Variants in MYLIP observed in about 807,000 individuals in gnomAD.
MYLIP encodes myosin regulatory light chain interacting protein, also known as E3 ubiquitin-protein ligase MYLIP.
MYLIP carries 26 observed loss-of-function variants against 45.8 expected under a neutral mutation model. That is an observed-to-expected ratio of 0.57 (90% CI 0.42 to 0.79). The LOEUF (loss-of-function observed/expected upper bound fraction) is 0.79, where lower values mean the gene tolerates loss of function less well. Ranked by LOEUF, MYLIP falls within the 30% of genes least tolerant of loss-of-function variation. MYLIP has a pLI of 0.00. For synonymous variants in MYLIP, 213 were observed against 218.1 expected, an observed-to-expected ratio of 0.98 and a Z score of 0.21; for missense variants, 494 against 555.6, an observed-to-expected ratio of 0.89 and a Z score of 1.11.
chr6:16,150,011 G>A (rs1243943033), downstream of MYLIP, among the ~76,000 whole-genome samples: 1 of 152,198 alleles, frequency 6.6e-6, no homozygotes, highest in Non-Finnish European at 1.5e-5. Flanking sequence ...AGAGGATGAT[G>A]AAGATAAAGA....
intron 3 of MYLIP, 24 bp downstream of exon 3, chr6:16,141,834 G>T: frequency 1.9e-6 from 3 of 1,577,208 alleles, no homozygotes; most frequent in Non-Finnish European, 2.6e-6. Context: ...ATATAGTATT[G>T]TTTACAACTA....
At chr6:16,161,638 C>A in the MYLIP span, among the ~76,000 whole-genome samples, 3 of 152,142 alleles carry the variant, frequency 2.0e-5, no homozygotes, top group Admixed American at 6.5e-5. Flanking sequence ...CTAAACTAGT[C>A]GAAAATGCTA....
At chr6:16,154,238 C>CA in the MYLIP span, among the ~76,000 whole-genome samples, 2 of 152,122 alleles carry the variant, frequency 1.3e-5, no homozygotes, top group African/African-American at 4.8e-5. Flanking sequence ...CGAATAGTTG[C>CA]GACTACAGGA....
chr6:16,145,158 C>T lies in MYLIP; in HGVS notation c.1089C>T (p.Cys363=), dbSNP rs148561418. ...SSESSMNCSS[C]EGLSCQQTRV... ...AAAGCAGCATGAACTGCAGCAGCTG[C>T]GAGGGCCTCAGCTGCCAGCAGACCC... Residue 363 remains cysteine, a synonymous_variant, in exon 6 of 7, where the codon TGC becomes TGT. Transcript: ENST00000356840. 291 of 1,614,202 alleles carry T rather than the reference C, an allele frequency of 1.8e-4. 2 individuals are homozygous for T. Among genetic ancestry groups the T allele is most frequent in the South Asian group, 1.2e-3 (108 of 91,082 alleles).
intron 2 of MYLIP, among the ~76,000 whole-genome samples, chr6:16,134,167 A>C (rs914060084): frequency 1.5e-4 from 23 of 152,220 alleles, no homozygotes; most frequent in Non-Finnish European, 3.4e-4. Context: ...TCACTCTAAT[A>C]ACCTAAACTC....
chr6:16,153,251 G>T, the MYLIP span, among the ~76,000 whole-genome samples: 537 of 152,264 alleles, frequency 3.5e-3, 7 homozygotes, highest in African/African-American at 0.012. Context: ...TTAAAAGCTC[G>T]TCTCCACATT....
the MYLIP span, chr6:16,161,417 TTACA>T: frequency 2.1e-3 from 370 of 179,070 alleles, no homozygotes; most frequent in Middle Eastern, 3.0e-3. Flanking sequence ...GACCAAGTAC[TTACA>T]TACATCACCT....
chr6:16,156,847 G>A, the MYLIP span, among the ~76,000 whole-genome samples: 2 of 152,278 alleles, frequency 1.3e-5, no homozygotes, highest in African/African-American at 4.8e-5. Flanking sequence ...CCAGCTACAA[G>A]GGCCAGTATC....
chr6:16,141,728 T>TTTGGAGAC lies in MYLIP; in HGVS notation c.384_391dup (p.Tyr131LeufsTer26). 5 of 1,614,066 alleles carry TTTGGAGAC rather than the reference T, an allele frequency of 3.1e-6. No individual in the cohort carries two copies. Among genetic ancestry groups the TTTGGAGAC allele is most frequent in the Non-Finnish European group, 3.4e-6 (4 of 1,179,990 alleles). Reference sequence around the variant, plus strand: ...CAGTGCCCTCCTGGCCCAGACCAAGTTTGGAGACTACAACCAGAACACTGC... The same window carrying TTTGGAGAC: ...CAGTGCCCTCCTGGCCCAGACCAAGTTTGGAGACTTGGAGACTACAACCAGAACACTGC... On this transcript the variant is annotated frameshift_variant, in exon 3 of 7. Transcript: ENST00000356840. LOFTEE classifies it high-confidence loss of function.
At chr6:16,160,398 CAGCCTCAT>C in the MYLIP span, among the ~76,000 whole-genome samples, 123 of 152,280 alleles carry the variant, frequency 8.1e-4, no homozygotes, top group Middle Eastern at 3.4e-3. Context: ...TGAACCTTCC[CAGCCTCAT>C]AGGGATACAT....
At chr6:16,152,846 G>A (rs1759893762), downstream of MYLIP, among the ~76,000 whole-genome samples, 1 of 152,170 alleles carries the variant, frequency 6.6e-6, no homozygotes, top group East Asian at 1.9e-4. Context: ...GAAGGAGCCA[G>A]TTCAAAAATG....
chr6:16,151,419 G>T (rs1020353768), downstream of MYLIP, among the ~76,000 whole-genome samples: 4 of 152,188 alleles, frequency 2.6e-5, no homozygotes, highest in Admixed American at 2.0e-4. Flanking sequence ...TTGCATGTGC[G>T]CCTGAAGGAG....
Position 16,135,322 on chromosome 6 carries a change from A to G in MYLIP, c.278+4575A>G, listed in dbSNP as rs182552866. 2.6e-5 allele frequency among the ~76,000 whole-genome samples: 4 copies of G among 152,308 alleles called. No homozygotes were observed. The East Asian group carries it at 7.7e-4, about 29-fold the overall frequency. On this transcript the variant is annotated intron_variant, in intron 2 of 6. Transcript: ENST00000356840. Reference sequence around the variant, plus strand: ...TGTGAGTGAATAAGCACATTTTTTTAGAAGTGCAGATTTTCTGCTTTCAAT... The same window carrying G: ...TGTGAGTGAATAAGCACATTTTTTTGGAAGTGCAGATTTTCTGCTTTCAAT...
the MYLIP span, among the ~76,000 whole-genome samples, chr6:16,155,279 T>C: frequency 6.6e-6 from 1 of 152,058 alleles, no homozygotes; most frequent in Non-Finnish European, 1.5e-5. Flanking sequence ...TTCTGAGAAA[T>C]GGATATTTCA....
chr6:16,131,614 T>C (rs931870490), intron 2 of MYLIP, among the ~76,000 whole-genome samples: 1 of 152,262 alleles, frequency 6.6e-6, no homozygotes. Flanking sequence ...TAGCAAGCTT[T>C]GGATCTAAGT....
the MYLIP span, among the ~76,000 whole-genome samples, chr6:16,159,944 C>A: frequency 6.6e-6 from 1 of 152,194 alleles, no homozygotes; most frequent in African/African-American, 2.4e-5. Context: ...CAGCAGGCCA[C>A]AGCTCCAGAG....
chr6:16,149,443 C>T (rs1183104924), downstream of MYLIP, among the ~76,000 whole-genome samples: 1 of 152,222 alleles, frequency 6.6e-6, no homozygotes, highest in Non-Finnish European at 1.5e-5. Flanking sequence ...CATAAAAGAT[C>T]TGAGCAGATC....
At chr6:16,134,848 T>G (rs1181454867) in intron 2 of MYLIP, among the ~76,000 whole-genome samples, 1 of 152,238 alleles carries the variant, frequency 6.6e-6, no homozygotes, top group African/African-American at 2.4e-5. Flanking sequence ...TATGTGTTTA[T>G]TTCAGCCAAG....
At position 16,130,709 on chromosome 6, in the gene MYLIP, C is replaced by T; in HGVS notation, c.240C>T (p.Phe80=). Residue 80 remains phenylalanine, a synonymous_variant, in exon 2 of 7, where the codon TTC becomes TTT. Transcript: ENST00000356840. ...ACAGGCTTAAACTTAGAGTCAAGTT[C>T]TTCGTGGAGCCTCATCTCATCTTAC... is the stretch of plus-strand genomic sequence containing the variant. ...APYRLKLRVK[F]FVEPHLILQE... The T allele has an allele frequency of 6.2e-7, 1 of 1,614,128 alleles. No homozygotes were observed. Among genetic ancestry groups the T allele is most frequent in the Non-Finnish European group, 8.5e-7 (1 of 1,180,002 alleles).
Sources: gnomAD v4.1 joint callset for allele counts (sites outside exome capture counted in the v4.1 genomes callset) on GRCh38, gnomAD v4.1.1 for gene constraint, MANE v1.5 for transcripts, NCBI Gene and HGNC (gene_info 2026-07-23, HGNC 2026-07-21) for gene names.